Variants in PXDN observed in about 807,000 individuals in gnomAD.
The protein encoded by PXDN is peroxidasin homolog.
PXDN carries 77 observed loss-of-function variants against 140.3 expected under a neutral mutation model. The ratio of observed to expected loss-of-function variants is 0.55; its 90% CI spans 0.46 to 0.66. The LOEUF (loss-of-function observed/expected upper bound fraction) is 0.66, where lower values mean the gene tolerates loss of function less well. PXDN is among the 30% of genes least tolerant of loss of function. PXDN has a pLI of 0.00. For missense variants in PXDN, 1,838 were observed against 2,039.5 expected (o/e 0.90, Z 1.90); for synonymous variants, 911 against 857.4 (o/e 1.06, Z -1.09).
chr2:1,666,270 C>G lies in PXDN; in HGVS notation c.1235G>C (p.Cys412Ser), dbSNP rs1683437516. 7 of 1,613,898 alleles carry G rather than the reference C, an allele frequency of 4.3e-6. No individual in the cohort carries two copies. Among genetic ancestry groups the G allele is most frequent in the African/African-American group, 1.3e-5 (1 of 74,932 alleles). Reference protein sequence around the residue: ...VVQGDSGEYACSATNNIDSVH... With the variant: ...VVQGDSGEYASSATNNIDSVH... ...GCTGTCAATGTTGTTGGTCGCAGAG[C>G]ACGCATACTCTCCGCTGTCCCCCTG... The change falls in exon 10 of 23, where the codon TGC becomes TCC. Residue 412 changes from cysteine to serine, a missense_variant. Physicochemically the swap from Cys to Ser is moderately radical, Grantham distance 112. This residue lies in a region of PXDN where 537 missense variants were observed against 583.9 expected (regional missense o/e 0.92). Coordinates refer to ENST00000252804, the MANE Select transcript of PXDN (RefSeq NM_012293.3).
chr2:1,678,728 T>G (rs999444705), intron 7 of PXDN, among the ~76,000 whole-genome samples: 3 of 152,090 alleles, frequency 2.0e-5, no homozygotes, highest in Admixed American at 6.5e-5. Flanking sequence ...CCGAGGGCCC[T>G]CCCTTCAGGG....
chr2:1,744,149 C>T, intron 1 of PXDN, 107 bp downstream of exon 1: 1 of 1,157,002 alleles, frequency 8.6e-7, no homozygotes, highest in Non-Finnish European at 1.1e-6. Flanking sequence ...CCCGCGCGCC[C>T]GATGCCCCCT....
intron 1 of PXDN, among the ~76,000 whole-genome samples, chr2:1,718,951 C>T (rs1197094262): frequency 1.3e-5 from 2 of 152,266 alleles, no homozygotes; most frequent in Non-Finnish European, 2.9e-5. Flanking sequence ...AAGCCCAGCC[C>T]CGAAGACCAT....
At chr2:1,654,008 T>C in intron 15 of PXDN, 1 of 550,108 alleles carries the variant, frequency 1.8e-6, no homozygotes, top group South Asian at 2.8e-5. Flanking sequence ...ATTAAGTCAA[T>C]AGAGAAAATC....
chr2:1,674,294 C>T (rs1177685509), intron 8 of PXDN, among the ~76,000 whole-genome samples: 1 of 152,232 alleles, frequency 6.6e-6, no homozygotes, highest in African/African-American at 2.4e-5. Flanking sequence ...ACTGCAGCCT[C>T]AGCTTCCTGG....
chr2:1,648,456 A>T lies in PXDN; in HGVS notation c.3324T>A (p.Ile1108=). The T allele has an allele frequency of 6.2e-7, 1 of 1,610,696 alleles. No homozygotes were observed. The highest frequency in any genetic ancestry group is 8.5e-7 in the Non-Finnish European group (1 of 1,179,826). The change falls in exon 17 of 23, where the codon ATT becomes ATA. Residue 1108 remains isoleucine, a synonymous_variant. Coordinates refer to ENST00000252804, the MANE Select transcript of PXDN (RefSeq NM_012293.3). The surrounding 1 kb of genome is among the most constrained non-coding windows in gnomAD (Gnocchi z 8.9). ...GCGGATCGATGCCGCCCTCATTCAC[A>T]ATCCGGAAGGGAGAGAAGAAAGCTT... ...LHKAFFSPFR[I]VNEGGIDPLL...
intron 3 of PXDN, among the ~76,000 whole-genome samples, chr2:1,689,023 C>T (rs1290172342): frequency 6.6e-6 from 1 of 152,112 alleles, no homozygotes; most frequent in African/African-American, 2.4e-5. Flanking sequence ...GAGTTACAAG[C>T]CTTAACACGA....
chr2:1,648,713 C>T lies in PXDN; in HGVS notation c.3067G>A (p.Gly1023Ser). ...TIYYETRKIV[G>S]AEIQHITYQH... is the part of the protein sequence containing the mutation. ...TAGGTGATGTGCTGGATCTCCGCAC[C>T]CACGATCTTCCTGGTCTCATAGTAG... Residue 1023 changes from glycine (G) to serine (S), a missense_variant, in exon 17 of 23, where the codon GGT becomes AGT. Around this residue, in one of 5 missense-constraint regions of PXDN, gnomAD observed 850 missense variants for 894.1 expected, o/e 0.95. Transcript: ENST00000252804. This position sits in a 1 kb window ranked among gnomAD's most constrained non-coding sequence, Gnocchi z 8.9. 6.2e-7 allele frequency: 1 copy of T among 1,604,826 alleles called. No homozygotes were observed. Among genetic ancestry groups the T allele is most frequent in the Non-Finnish European group, 8.5e-7 (1 of 1,176,204 alleles).
intron 9 of PXDN, 132 bp from the exon 10 acceptor site, chr2:1,666,618 T>C (rs1319748042): frequency 3.4e-6 from 4 of 1,189,286 alleles, no homozygotes; most frequent in African/African-American, 3.1e-5. Context: ...CGTAACTGCA[T>C]ATTTTCTTTT....
chr2:1,744,175 C>A, intron 1 of PXDN, 81 bp downstream of exon 1: 1 of 1,325,316 alleles, frequency 7.5e-7, no homozygotes, highest in Non-Finnish European at 9.7e-7. Context: ...CTCCGCGCCC[C>A]CCACCTCCGA....
chr2:1,710,318 C>G (rs948398802), intron 1 of PXDN, among the ~76,000 whole-genome samples: 1 of 152,118 alleles, frequency 6.6e-6, no homozygotes, highest in Non-Finnish European at 1.5e-5. Flanking sequence ...CAAGTCTGAC[C>G]GTAGCACATG....
chr2:1,687,391 G>T lies in PXDN; in HGVS notation c.416+241C>A, dbSNP rs183932054. ...AAAGCATGGCCCAGGGCCTGGTGCC[G>T]CCGTAAGGAAACCAGGGATACGTCC... On this transcript the variant is annotated intron_variant, in intron 4 of 22. Coordinates refer to ENST00000252804, the MANE Select transcript of PXDN (RefSeq NM_012293.3). This position sits in a 1 kb window ranked among gnomAD's most constrained non-coding sequence, Gnocchi z 4.0. Among the ~76,000 whole-genome samples, 36 of 152,250 alleles carry T rather than the reference G, an allele frequency of 2.4e-4. No individual in the cohort carries two copies. The highest frequency in any genetic ancestry group is 8.4e-4 in the African/African-American group (35 of 41,548).
At chr2:1,699,871 CATGAT>C (rs1684381963) in intron 1 of PXDN, among the ~76,000 whole-genome samples, 1 of 152,146 alleles carries the variant, frequency 6.6e-6, no homozygotes, top group Admixed American at 6.5e-5. Context: ...AAGTTACTCT[CATGAT>C]GTGATGGGAA....
chr2:1,648,496 T>G lies in PXDN; in HGVS notation c.3284A>C (p.His1095Pro), dbSNP rs1572123058. 1 of 1,611,350 alleles carries G rather than the reference T, an allele frequency of 6.2e-7. No individual in the cohort carries two copies. Among genetic ancestry groups the G allele is most frequent in the Non-Finnish European group, 8.5e-7 (1 of 1,179,704 alleles). ...DENFQPIAQD[H>P]LPLHKAFFSP... is the part of the protein sequence containing the mutation. ...GAAGAAAGCTTTGTGAAGGGGGAGG[T>G]GATCTTGTGCAATGGGCTGGAAGTT... The change falls in exon 17 of 23, where the codon CAC (histidine) becomes CCC (proline). Residue 1095 changes from histidine (H) to proline (P), a missense_variant. This residue lies in a region of PXDN where 850 missense variants were observed against 894.1 expected (regional missense o/e 0.95). Coordinates refer to ENST00000252804, the MANE Select transcript of PXDN (RefSeq NM_012293.3). This position sits in a 1 kb window ranked among gnomAD's most constrained non-coding sequence, Gnocchi z 8.9.
Position 1,716,500 on chromosome 2 carries a change from G to T in PXDN, c.201-23366C>A, listed in dbSNP as rs889760648. Among the ~76,000 whole-genome samples the T allele has an allele frequency of 4.0e-5, 6 of 149,586 alleles. No individual in the cohort carries two copies. The Middle Eastern group carries it at 0.018, about 439-fold the overall frequency. On this transcript the variant is annotated intron_variant, in intron 1 of 22. Transcript: ENST00000252804. ...GGTGGCAACATCGCCTGCCTCCCAGGACTGCGGCAAGGACTGGATATAAGA... is the reference window on the plus strand; with the variant it reads ...GGTGGCAACATCGCCTGCCTCCCAGTACTGCGGCAAGGACTGGATATAAGA...
chr2:1,686,112 C>T (rs1046092626), intron 4 of PXDN, among the ~76,000 whole-genome samples: 2 of 152,188 alleles, frequency 1.3e-5, no homozygotes. Context: ...TGCAGTTCGC[C>T]AGGGTCAGGC....
At chr2:1,719,931 A>G (rs1303151471) in intron 1 of PXDN, among the ~76,000 whole-genome samples, 8 of 90,422 alleles carry the variant, frequency 8.8e-5, no homozygotes, top group Non-Finnish European at 1.4e-4. Flanking sequence ...GCAGAGAGGG[A>G]GAGAGAGAGA....
intron 4 of PXDN, among the ~76,000 whole-genome samples, chr2:1,686,263 C>A (rs563570779): frequency 6.6e-6 from 1 of 152,162 alleles, no homozygotes; most frequent in African/African-American, 2.4e-5. Context: ...CAGCGTTTAA[C>A]GAATGGAACC....
At position 1,681,719 on chromosome 2, in the gene PXDN, T is replaced by C. The variant is rs534293111; in HGVS notation, c.561-1357A>G. On this transcript the variant is annotated intron_variant, in intron 6 of 22. Transcript: ENST00000252804. ...TGAGGAGGCTGTGAGGGGGACAGTG[T>C]CAGCCACGTGCCCAGGGCACCCAAC... 8.0e-4 allele frequency among the ~76,000 whole-genome samples: 122 copies of C among 151,900 alleles called. 5 individuals are homozygous for C. The South Asian group carries it at 0.021, about 27-fold the overall frequency.
Sources: gnomAD v4.1 joint callset for allele counts (sites outside exome capture counted in the v4.1 genomes callset) on GRCh38, gnomAD v4.1.1 for gene constraint, gnomAD v4.1.1 regional missense constraint, Gnocchi (gnomAD v3.1) non-coding constraint, MANE v1.5 for transcripts, NCBI Gene and HGNC (gene_info 2026-07-23, HGNC 2026-07-21) for gene names.